The following PDE1A variants were observed in gnomAD, a reference collection of about 807,000 sequenced individuals.
PDE1A encodes the protein dual specificity calcium/calmodulin-dependent 3',5'-cyclic nucleotide phosphodiesterase 1A.
PDE1A carries 35 observed loss-of-function variants against 61.7 expected under a neutral mutation model. That is an observed-to-expected ratio of 0.57 (90% CI 0.43 to 0.75). The LOEUF (loss-of-function observed/expected upper bound fraction) is 0.75, where lower values mean the gene tolerates loss of function less well. Among genes scored for constraint, PDE1A ranks in the 30% least tolerant of loss-of-function variants. PDE1A has a pLI of 0.00. For missense variants in PDE1A, 597 were observed against 630.6 expected, an observed-to-expected ratio of 0.95 and a Z score of 0.57; for synonymous variants, 232 against 213.2, an observed-to-expected ratio of 1.09 and a Z score of -0.77.
intron 2 of PDE1A, among the ~76,000 whole-genome samples, chr2:182,247,784 C>T (rs1428864544): frequency 3.9e-5 from 6 of 152,184 alleles, no homozygotes; most frequent in African/African-American, 1.2e-4. Flanking sequence ...GATTATGCCA[C>T]ATGTAAAACA....
At chr2:182,533,083 C>T in the PDE1A span, among the ~76,000 whole-genome samples, 3 of 151,826 alleles carry the variant, frequency 2.0e-5, no homozygotes, top group Non-Finnish European at 4.4e-5. Context: ...AGGCCAAAGC[C>T]GGTGGATCAT....
chr2:182,602,453 A>T, the PDE1A span, among the ~76,000 whole-genome samples: 1 of 152,232 alleles, frequency 6.6e-6, no homozygotes, highest in African/African-American at 2.4e-5. Flanking sequence ...ATTCTAGAAT[A>T]ATCAGCCCTC....
At chr2:182,602,996 TAC>T in the PDE1A span, among the ~76,000 whole-genome samples, 1 of 54,584 alleles carries the variant, frequency 1.8e-5, no homozygotes, top group Non-Finnish European at 3.9e-5. Context: ...CACACACACA[TAC>T]ATACATACAT....
chr2:182,143,733 T>G (rs1323979291), downstream of PDE1A, among the ~76,000 whole-genome samples: 1 of 152,164 alleles, frequency 6.6e-6, no homozygotes, highest in African/African-American at 2.4e-5. Context: ...GCCAGGATGG[T>G]CTCGATCTCC....
intron 1 of PDE1A, among the ~76,000 whole-genome samples, chr2:182,284,191 T>A (rs980337643): frequency 6.6e-6 from 1 of 152,130 alleles, no homozygotes; most frequent in Non-Finnish European, 1.5e-5. Context: ...GATTTTAAAT[T>A]CTAGTTTGAG....
chr2:182,437,231 T>G (rs989934711), intron 2 of PDE1A, among the ~76,000 whole-genome samples: 1 of 151,962 alleles, frequency 6.6e-6, no homozygotes, highest in Non-Finnish European at 1.5e-5. Context: ...AAAATCAGAT[T>G]AGTAAATGTG....
chr2:182,704,124 T>C, the PDE1A span, among the ~76,000 whole-genome samples: 1 of 149,712 alleles, frequency 6.7e-6, no homozygotes, highest in Non-Finnish European at 1.5e-5. Context: ...GGCAGGAGAA[T>C]TGCTCGAATC....
chr2:182,192,486 G>C (rs1441932304), intron 10 of PDE1A, among the ~76,000 whole-genome samples: 1 of 152,074 alleles, frequency 6.6e-6, no homozygotes, highest in Non-Finnish European at 1.5e-5. Flanking sequence ...TGTATAAAGA[G>C]AATGTTAGAA....
chr2:182,460,332 C>T (rs1354165322), intron 2 of PDE1A, among the ~76,000 whole-genome samples: 1 of 152,144 alleles, frequency 6.6e-6, no homozygotes, highest in African/African-American at 2.4e-5. Flanking sequence ...CCCAGTGTTA[C>T]TTCCCATCAC....
intron 1 of PDE1A, among the ~76,000 whole-genome samples, chr2:182,326,801 A>T (rs1313404507): frequency 6.6e-6 from 1 of 152,202 alleles, no homozygotes; most frequent in African/African-American, 2.4e-5. Context: ...GAATAAAAAA[A>T]GTCCATGTGG....
rs140297560 is a variant in PDE1A at position 182,452,356 on chromosome 2, T to C, written c.101+69920A>G. 3.7e-4 allele frequency among the ~76,000 whole-genome samples: 57 copies of C among 152,244 alleles called. 1 individual carries two copies. In the East Asian group the frequency reaches 0.011, roughly 29 times the overall value. ...TTACATGCACCTGAAGGAAATATCT[T>C]CAATGTGTTCATGTGTGTGTTTATG... On this transcript the variant is annotated intron_variant, in intron 2 of 14. Transcript: ENST00000410103.
the PDE1A span, among the ~76,000 whole-genome samples, chr2:182,682,868 G>A: frequency 1.3e-5 from 2 of 152,116 alleles, no homozygotes; most frequent in Admixed American, 1.3e-4. Context: ...AGATAAGATT[G>A]CAGTGAACTG....
downstream of PDE1A, among the ~76,000 whole-genome samples, chr2:182,166,369 T>A (rs1046101103): frequency 6.6e-6 from 1 of 152,106 alleles, no homozygotes; most frequent in Non-Finnish European, 1.5e-5. Flanking sequence ...GCTCTGGCTT[T>A]CTCTCTTTCC....
At chr2:182,300,449 T>C (rs946497326) in intron 1 of PDE1A, among the ~76,000 whole-genome samples, 2 of 152,148 alleles carry the variant, frequency 1.3e-5, no homozygotes, top group African/African-American at 4.8e-5. Context: ...CTCTGTGATA[T>C]CCCTGAAAGA....
downstream of PDE1A, among the ~76,000 whole-genome samples, chr2:182,145,194 TAGGAC>T (rs1690430853): frequency 6.6e-6 from 1 of 152,222 alleles, no homozygotes; most frequent in Non-Finnish European, 1.5e-5. Flanking sequence ...ACATATACTG[TAGGAC>T]TGTATCAACT....
chr2:182,690,906 T>C, the PDE1A span, among the ~76,000 whole-genome samples: 1 of 152,110 alleles, frequency 6.6e-6, no homozygotes, highest in Non-Finnish European at 1.5e-5. Flanking sequence ...GAGAGCCAAA[T>C]CATGAGTGAA....
At chr2:182,522,673 T>A in exon 1 of PDE1A, 1 of 1,122,100 alleles carries the variant, frequency 8.9e-7, no homozygotes, top group Non-Finnish European at 1.1e-6. Flanking sequence ...ACCGACTGAG[T>A]ACTCAAGCTC....
intron 13 of PDE1A, among the ~76,000 whole-genome samples, chr2:182,175,369 T>C (rs1439967160): frequency 6.6e-6 from 1 of 152,218 alleles, no homozygotes; most frequent in African/African-American, 2.4e-5. Flanking sequence ...TTTTAATGAT[T>C]GCCATTCTAA....
intron 2 of PDE1A, among the ~76,000 whole-genome samples, chr2:182,516,688 G>A (rs1408480069): frequency 2.2e-5 from 2 of 90,982 alleles, no homozygotes; most frequent in East Asian, 6.6e-4. Flanking sequence ...AGGGAAGGAG[G>A]GAAGGGAGGA....
Sources: allele counts gnomAD v4.1 joint callset (sites outside exome capture counted in the v4.1 genomes callset), GRCh38; gene constraint gnomAD v4.1.1; transcripts MANE v1.5; gene names NCBI Gene and HGNC (gene_info 2026-07-23, HGNC 2026-07-21).